The following TENM1 variants were observed in gnomAD, a reference collection of about 807,000 sequenced individuals.
TENM1 encodes the protein teneurin-1.
In TENM1, 35 loss-of-function variants were observed where a neutral mutation model predicts 174.8. The ratio of observed to expected loss-of-function variants is 0.20; its 90% CI spans 0.15 to 0.27. The LOEUF (loss-of-function observed/expected upper bound fraction) is 0.27, where lower values mean the gene tolerates loss of function less well. Ranked by LOEUF, TENM1 falls within the 10% of genes least tolerant of loss-of-function variation. The pLI, the probability that TENM1 is intolerant of heterozygous loss-of-function variation, is 1.00. For synonymous variants in TENM1, 781 were observed against 798.7 expected (o/e 0.98, Z 0.37); for missense variants, 1,633 against 2,130.1 (o/e 0.77, Z 4.59).
chrX:124,769,344 T>G (rs2054603695), intron 3 of TENM1, among the ~76,000 whole-genome samples: 1 of 111,889 alleles, frequency 8.9e-6, no homozygotes, highest in Non-Finnish European at 1.9e-5. Context: ...ATTTTAGGTC[T>G]TTTGTTGCCA....
At chrX:124,912,024 C>T (rs1196853346) in intron 1 of TENM1, among the ~76,000 whole-genome samples, 1 of 111,908 alleles carries the variant, frequency 8.9e-6, no homozygotes, top group Non-Finnish European at 1.9e-5. Context: ...AGGCAAAAAT[C>T]CCTGCCGTCA....
chrX:124,823,450 G>A (rs751828429), intron 3 of TENM1, among the ~76,000 whole-genome samples: 3 of 111,342 alleles, frequency 2.7e-5, no homozygotes, highest in East Asian at 5.6e-4. Context: ...TGTAAAATAG[G>A]AAAATTGGAG....
chrX:125,165,748 C>T, the TENM1 span, among the ~76,000 whole-genome samples: 1 of 111,338 alleles, frequency 9.0e-6, no homozygotes, highest in African/African-American at 3.3e-5. Flanking sequence ...TTGTCTTCTC[C>T]CTGTTCACTA....
chrX:125,203,545 A>C, the TENM1 span, among the ~76,000 whole-genome samples: 2 of 112,400 alleles, frequency 1.8e-5, no homozygotes, highest in African/African-American at 6.5e-5. Flanking sequence ...TTGAACTGCG[A>C]ACAAGGCCGA....
At chrX:124,913,959 C>G (rs769589156) in intron 1 of TENM1, among the ~76,000 whole-genome samples, 23 of 111,842 alleles carry the variant, frequency 2.1e-4, no homozygotes, top group African/African-American at 7.5e-4. Context: ...TAATACTGAA[C>G]AATAGCTTCC....
intron 11 of TENM1, among the ~76,000 whole-genome samples, chrX:124,622,976 T>G (rs1013047860): frequency 2.7e-5 from 3 of 112,230 alleles, no homozygotes; most frequent in African/African-American, 9.7e-5. Context: ...CTCTCTGATG[T>G]AGAATGTAAC....
chrX:124,381,015 T>C (rs751860823), exon 32 of TENM1: 5 of 1,211,803 alleles, frequency 4.1e-6, no homozygotes, highest in Non-Finnish European at 5.6e-6. Context: ...CTCCCCTCTA[T>C]GGTAAAATGT....
In TENM1 at chrX:124,461,208, T is replaced by C. The variant is rs968050075; in HGVS notation, c.3950-7717A>G. On this transcript the variant is annotated intron_variant, in intron 22 of 31. Coordinates refer to ENST00000422452, the Ensembl canonical transcript of TENM1. ...GCAGTGGGATATCAACTCACCTAGG[T>C]CAAAATAGCTTTTATTAAAAAAGAT... Among the ~76,000 whole-genome samples the C allele has an allele frequency of 1.4e-4, 16 of 111,806 alleles. 1 individual carries two copies. The highest frequency in any genetic ancestry group is 2.8e-4 in the East Asian group (1 of 3,581).
the TENM1 span, among the ~76,000 whole-genome samples, chrX:124,977,442 T>C: frequency 2.7e-5 from 3 of 111,663 alleles, no homozygotes; most frequent in Non-Finnish European, 5.6e-5. Flanking sequence ...TGTTTACTGT[T>C]TGTTTTTCTA....
chrX:124,775,516 T>G (rs1391501631), intron 3 of TENM1, among the ~76,000 whole-genome samples: 1 of 111,412 alleles, frequency 9.0e-6, no homozygotes, highest in Non-Finnish European at 1.9e-5. Context: ...CAATTCTGGC[T>G]GAGAGGAAGT....
chrX:124,760,076 G>A (rs1268124172), intron 3 of TENM1, among the ~76,000 whole-genome samples: 1 of 111,820 alleles, frequency 8.9e-6, no homozygotes, highest in African/African-American at 3.3e-5. Context: ...AGGAAGGGGT[G>A]GAGCCTCAGG....
intron 22 of TENM1, among the ~76,000 whole-genome samples, chrX:124,456,336 G>A (rs1295388643): frequency 1.8e-5 from 2 of 111,903 alleles, no homozygotes; most frequent in African/African-American, 6.5e-5. Flanking sequence ...AGTAGAAAAG[G>A]CTTTGAGGAA....
At chrX:124,893,807 A>G (rs183595007) in intron 3 of TENM1, among the ~76,000 whole-genome samples, 1 of 111,817 alleles carries the variant, frequency 8.9e-6, no homozygotes, top group Admixed American at 9.5e-5. Flanking sequence ...TTCATTTGAA[A>G]GTGTTATTTA....
chrX:124,679,464 G>C (rs1333195106), intron 5 of TENM1, among the ~76,000 whole-genome samples: 3 of 111,741 alleles, frequency 2.7e-5, no homozygotes, highest in Non-Finnish European at 5.7e-5. Flanking sequence ...AATTTCACCA[G>C]ACCGATACTT....
At chrX:124,737,555 G>T (rs868743335) in intron 3 of TENM1, among the ~76,000 whole-genome samples, 43 of 112,110 alleles carry the variant, frequency 3.8e-4, no homozygotes, top group Middle Eastern at 9.3e-3. Context: ...TCCATCAGTT[G>T]CAAAATTCTC....
At chrX:125,049,081 G>C in the TENM1 span, among the ~76,000 whole-genome samples, 1 of 111,679 alleles carries the variant, frequency 9.0e-6, no homozygotes, top group Non-Finnish European at 1.9e-5. Flanking sequence ...TTTTTTAACA[G>C]CTTTATTGAG....
chrX:124,859,184 G>A (rs1446457767), intron 3 of TENM1, among the ~76,000 whole-genome samples: 1 of 111,092 alleles, frequency 9.0e-6, no homozygotes, highest in Non-Finnish European at 1.9e-5. Context: ...ATTTGATATG[G>A]GGAAGAGTAT....
At chrX:125,117,098 G>A in the TENM1 span, among the ~76,000 whole-genome samples, 1 of 110,761 alleles carries the variant, frequency 9.0e-6, no homozygotes, top group Non-Finnish European at 1.9e-5. Context: ...ATTGGTGGGA[G>A]TGTAAATTAG....
the TENM1 span, among the ~76,000 whole-genome samples, chrX:124,970,856 A>T: frequency 9.0e-6 from 1 of 110,886 alleles, no homozygotes; most frequent in Non-Finnish European, 1.9e-5. Flanking sequence ...TGGCGGCACT[A>T]TTCACAATAG....
Sources: gnomAD v4.1 joint callset for allele counts (sites outside exome capture counted in the v4.1 genomes callset) on GRCh38, gnomAD v4.1.1 for gene constraint, MANE v1.5 for transcripts, NCBI Gene and HGNC (gene_info 2026-07-23, HGNC 2026-07-21) for gene names.